Variants in VEZT observed in about 807,000 individuals in gnomAD.
VEZT encodes vezatin, adherens junctions transmembrane protein, also known as vezatin.
VEZT carries 39 observed loss-of-function variants against 79.9 expected under a neutral mutation model. That is an observed-to-expected ratio of 0.49 (90% CI 0.38 to 0.64). The LOEUF is 0.64. VEZT is among the 30% of genes least tolerant of loss of function. VEZT has a pLI of 0.00. For missense variants in VEZT, 837 were observed against 893.1 expected, an observed-to-expected ratio of 0.94 and a Z score of 0.80; for synonymous variants, 325 against 327.6, an observed-to-expected ratio of 0.99 and a Z score of 0.09.
intron 1 of VEZT, among the ~76,000 whole-genome samples, chr12:95,249,573 A>C (rs539792895): frequency 6.6e-6 from 1 of 152,356 alleles, no homozygotes; most frequent in Non-Finnish European, 1.5e-5. Flanking sequence ...AAAGAAAGGC[A>C]TTTGACTCAA....
chr12:95,291,731 A>T (rs796370372), intron 9 of VEZT, among the ~76,000 whole-genome samples: 127 of 152,346 alleles, frequency 8.3e-4, no homozygotes, highest in African/African-American at 3.0e-3. Context: ...TGTTTGTAAA[A>T]GCTATTACTG....
chr12:95,291,984 G>C (rs1390857237), intron 9 of VEZT, among the ~76,000 whole-genome samples: 1 of 152,096 alleles, frequency 6.6e-6, no homozygotes, highest in Non-Finnish European at 1.5e-5. Context: ...TTTTTTGGTA[G>C]AGATGGGTTT....
intron 1 of VEZT, among the ~76,000 whole-genome samples, chr12:95,224,517 G>T (rs921786683): frequency 2.0e-5 from 3 of 152,092 alleles, no homozygotes; most frequent in African/African-American, 7.2e-5. Flanking sequence ...CTTGGGAAAG[G>T]CTAGGAGCAG....
chr12:95,254,386 G>A (rs1246274136), intron 2 of VEZT, among the ~76,000 whole-genome samples: 7 of 118,308 alleles, frequency 5.9e-5, no homozygotes, highest in East Asian at 2.7e-4. Context: ...TCACTCTGTC[G>A]CCCAGGTTGG....
At chr12:95,251,409 CATT>C (rs896277305) in intron 1 of VEZT, among the ~76,000 whole-genome samples, 33 of 152,214 alleles carry the variant, frequency 2.2e-4, no homozygotes, top group African/African-American at 7.7e-4. Context: ...TCTAAGGTAA[CATT>C]ATTGAAGAGT....
chr12:95,286,440 C>T (rs1225228793), intron 8 of VEZT: 2 of 543,666 alleles, frequency 3.7e-6, no homozygotes, highest in African/African-American at 3.9e-5. Context: ...TCATGAGCAA[C>T]ATCAATTCTT....
chr12:95,255,123 T>C (rs1031115170), intron 2 of VEZT, among the ~76,000 whole-genome samples: 1 of 152,092 alleles, frequency 6.6e-6, no homozygotes, highest in Non-Finnish European at 1.5e-5. Flanking sequence ...CAGATTCAAC[T>C]TGTCTAAAAT....
At chr12:95,258,250 G>T (rs753332085) in intron 3 of VEZT, 31 of 455,664 alleles carry the variant, frequency 6.8e-5, no homozygotes, top group South Asian at 4.8e-4. Context: ...TCCAGGTGGA[G>T]CCATCTCATT....
At chr12:95,232,162 T>G (rs888593410) in intron 1 of VEZT, among the ~76,000 whole-genome samples, 2 of 152,222 alleles carry the variant, frequency 1.3e-5, no homozygotes, top group Non-Finnish European at 2.9e-5. Context: ...TAAGCTATAT[T>G]CAAAGATAAA....
intron 1 of VEZT, among the ~76,000 whole-genome samples, chr12:95,236,417 G>A (rs563028129): frequency 2.0e-5 from 3 of 152,164 alleles, no homozygotes; most frequent in African/African-American, 7.2e-5. Flanking sequence ...ACCGTGGAAA[G>A]AGAGGGAGAG....
intron 2 of VEZT, among the ~76,000 whole-genome samples, chr12:95,255,463 G>A (rs778000481): frequency 3.3e-5 from 5 of 152,050 alleles, no homozygotes; most frequent in South Asian, 2.1e-4. Flanking sequence ...ATGGAGTCTC[G>A]CGCTGTCGCC....
chr12:95,274,650 A>G (rs2067272277), intron 6 of VEZT, 92 bp from the exon 7 acceptor site: 1 of 1,356,000 alleles, frequency 7.4e-7, no homozygotes, highest in Non-Finnish European at 9.8e-7. Context: ...AAAGTTCAGA[A>G]TAAAGATTAG....
chr12:95,286,301 A>G, intron 8 of VEZT: 1 of 373,042 alleles, frequency 2.7e-6, no homozygotes, highest in South Asian at 2.2e-5. Flanking sequence ...CGCAAATTTT[A>G]CATGTATGTA....
At chr12:95,257,764 A>T (rs1023709559) in intron 3 of VEZT, among the ~76,000 whole-genome samples, 1 of 152,198 alleles carries the variant, frequency 6.6e-6, no homozygotes, top group Non-Finnish European at 1.5e-5. Flanking sequence ...CATGGCTCCC[A>T]GAAGGAGTAA....
At chr12:95,280,355 G>A (rs1365809085) in intron 7 of VEZT, among the ~76,000 whole-genome samples, 1 of 151,900 alleles carries the variant, frequency 6.6e-6, no homozygotes, top group Non-Finnish European at 1.5e-5. Flanking sequence ...TCTCTTCCTT[G>A]ATGATTATCT....
intron 7 of VEZT, among the ~76,000 whole-genome samples, chr12:95,277,842 TAAG>T (rs2068108495): frequency 6.6e-6 from 1 of 152,278 alleles, no homozygotes; most frequent in African/African-American, 2.4e-5. Flanking sequence ...TGTTATTCTT[TAAG>T]AAGGACTTGG....
chr12:95,281,778 T>C lies in VEZT; in HGVS notation c.997-535T>C, dbSNP rs140759520. ...CCAGGCTGGTCTCAAACTCCTGACC[T>C]CAAGTGATCCATCCGCCTTCACCTC... is the stretch of plus-strand genomic sequence containing the variant. On this transcript the variant is annotated intron_variant, in intron 7 of 11. Transcript: ENST00000436874. Among the ~76,000 whole-genome samples, 423 of 152,184 alleles carry C rather than the reference T, an allele frequency of 2.8e-3. 4 individuals are homozygous for C. In the South Asian group the frequency reaches 0.031, roughly 11 times the overall value.
chr12:95,267,835 A>G (rs902463725), intron 5 of VEZT, among the ~76,000 whole-genome samples: 2 of 152,000 alleles, frequency 1.3e-5, no homozygotes, highest in African/African-American at 4.8e-5. Context: ...TAGCCTAGGC[A>G]ATCTAGCAAA....
intron 7 of VEZT, among the ~76,000 whole-genome samples, chr12:95,280,755 G>A (rs2068879164): frequency 6.6e-6 from 1 of 152,120 alleles, no homozygotes; most frequent in Non-Finnish European, 1.5e-5. Flanking sequence ...ACCTAGAACA[G>A]TGCCTGGCAC....
Sources: gnomAD v4.1 joint callset for allele counts (sites outside exome capture counted in the v4.1 genomes callset) on GRCh38, gnomAD v4.1.1 for gene constraint, MANE v1.5 for transcripts, NCBI Gene and HGNC (gene_info 2026-07-23, HGNC 2026-07-21) for gene names.